Variants in TPD52 observed in about 807,000 individuals in gnomAD.
The protein encoded by TPD52 is tumor protein D52.
Under a neutral mutation model 31.3 loss-of-function variants are expected in TPD52, and 17 were observed. That is an observed-to-expected ratio of 0.54 (90% confidence interval 0.37 to 0.82). TPD52 has a LOEUF of 0.82. Ranked by LOEUF, TPD52 falls within the 40% of genes least tolerant of loss-of-function variation. The probability of loss-of-function intolerance (pLI) is 0.00; values close to 1 mark genes in which losing one functional copy is unlikely to be tolerated. For missense variants in TPD52, 212 were observed against 240.1 expected, an observed-to-expected ratio of 0.88 and a Z score of 0.77; for synonymous variants, 83 against 89.6, an observed-to-expected ratio of 0.93 and a Z score of 0.42.
chr8:80,098,032 C>T (rs1380140869), intron 1 of TPD52, among the ~76,000 whole-genome samples: 2 of 152,310 alleles, frequency 1.3e-5, no homozygotes, highest in South Asian at 4.1e-4. Flanking sequence ...AATAACAACG[C>T]CTGGATGACA....
At chr8:80,128,909 G>T (rs1224102030) in intron 1 of TPD52, among the ~76,000 whole-genome samples, 2 of 151,122 alleles carry the variant, frequency 1.3e-5, no homozygotes, top group African/African-American at 2.4e-5. Flanking sequence ...AGAAATGCTA[G>T]ATTAGTACCA....
At chr8:80,079,740 C>T (rs1243010041) in intron 1 of TPD52, among the ~76,000 whole-genome samples, 2 of 152,058 alleles carry the variant, frequency 1.3e-5, no homozygotes, top group African/African-American at 2.4e-5. Flanking sequence ...CCTGATGGTG[C>T]TCCTGGCCTT....
chr8:80,082,396 A>C (rs1815385714), intron 1 of TPD52, among the ~76,000 whole-genome samples: 1 of 152,166 alleles, frequency 6.6e-6, no homozygotes. Context: ...GCATTTGGTC[A>C]CTAAATATTG....
intron 1 of TPD52, among the ~76,000 whole-genome samples, chr8:80,120,394 C>G (rs1241202347): frequency 1.3e-5 from 2 of 151,882 alleles, no homozygotes; most frequent in Non-Finnish European, 2.9e-5. Context: ...GAGGGTGAGG[C>G]ACGAGAATCA....
At chr8:80,140,952 T>C (rs1428649231) in intron 1 of TPD52, among the ~76,000 whole-genome samples, 1 of 125,298 alleles carries the variant, frequency 8.0e-6, no homozygotes, top group Non-Finnish European at 1.7e-5. Context: ...ATACAACTCG[T>C]GTGTGTGTGT....
chr8:80,099,880 G>C (rs1205456154), intron 1 of TPD52, among the ~76,000 whole-genome samples: 2 of 152,128 alleles, frequency 1.3e-5, no homozygotes, highest in Admixed American at 6.5e-5. Flanking sequence ...CAAGTTTAAG[G>C]CCTACATTTA....
chr8:80,124,608 T>C (rs891089855), intron 1 of TPD52, among the ~76,000 whole-genome samples: 2 of 152,220 alleles, frequency 1.3e-5, no homozygotes, highest in Non-Finnish European at 2.9e-5. Context: ...CTTAGTAGTG[T>C]GGCTTACAAT....
chr8:80,115,390 T>G (rs148783110), intron 1 of TPD52, among the ~76,000 whole-genome samples: 55 of 152,270 alleles, frequency 3.6e-4, no homozygotes, highest in African/African-American at 1.3e-3. Flanking sequence ...GAAGCCACAA[T>G]GACCTACAGA....
chr8:80,051,455 A>G, intron 4 of TPD52, 72 bp downstream of exon 4: 1 of 1,443,578 alleles, frequency 6.9e-7, no homozygotes, highest in Admixed American at 1.7e-5. Flanking sequence ...CAAGGTCAGG[A>G]AACAGATGCA....
At position 80,044,033 on chromosome 8, in the gene TPD52, C is replaced by T. The variant is rs1372375540; in HGVS notation, c.455+134G>A. ...ACATCAGAGGAAGTGTAGCTGAAAA[C>T]TGATAGAGTGTTAAACACACAGCTT... On this transcript the variant is annotated intron_variant, in intron 6 of 7. Coordinates refer to ENST00000518937, the MANE Select transcript of TPD52 (RefSeq NM_001025253.3). 8.6e-6 allele frequency: 6 copies of T among 693,660 alleles called. No homozygotes were observed. The East Asian group carries it at 1.9e-4, about 22-fold the overall frequency. 43.0% of individuals were successfully genotyped at this position (693,660 alleles called of 1,614,324 possible).
At chr8:80,160,404 A>G (rs1811267011) in intron 1 of TPD52, among the ~76,000 whole-genome samples, 1 of 152,176 alleles carries the variant, frequency 6.6e-6, no homozygotes, top group Non-Finnish European at 1.5e-5. Flanking sequence ...GATAATATGT[A>G]GAAAATTAGT....
intron 2 of TPD52, among the ~76,000 whole-genome samples, chr8:80,063,448 G>A (rs1240674010): frequency 6.6e-6 from 1 of 152,152 alleles, no homozygotes; most frequent in Non-Finnish European, 1.5e-5. Context: ...CTTTGGAGGT[G>A]AAGAAAATGT....
intron 1 of TPD52, among the ~76,000 whole-genome samples, chr8:80,163,216 A>G (rs1811477690): frequency 6.6e-6 from 1 of 152,246 alleles, no homozygotes; most frequent in Admixed American, 6.5e-5. Flanking sequence ...AAGATGTGGA[A>G]GCAACCTTAA....
chr8:80,163,764 GT>G (rs1457089519), intron 1 of TPD52, among the ~76,000 whole-genome samples: 5 of 152,060 alleles, frequency 3.3e-5, no homozygotes. Context: ...TCTTAAAGCA[GT>G]ATCATAGCTA....
chr8:80,036,904 A>G lies in TPD52; in HGVS notation c.*1212T>C, dbSNP rs1182624998. The G allele has an allele frequency of 1.3e-5, 2 of 152,350 alleles. No homozygotes were observed. Among genetic ancestry groups the G allele is most frequent in the African/African-American group, 4.8e-5 (2 of 41,466 alleles). The allele number at this position is 152,350 out of a possible 1,614,324, so 9.4% of individuals were successfully genotyped here. ...GCCATAATCATATACAGTATAAGGA[A>G]AAGGTGGTAGTGTTGAGTAAGCAGT... On this transcript the variant is annotated 3_prime_UTR_variant, in exon 8 of 8. Transcript: ENST00000518937.
chr8:80,113,996 G>C (rs1049250820), intron 1 of TPD52, among the ~76,000 whole-genome samples: 2 of 152,120 alleles, frequency 1.3e-5, no homozygotes, highest in East Asian at 1.9e-4. Context: ...TGTGATCCCA[G>C]CACTTTGGGA....
chr8:80,042,228 T>G, intron 7 of TPD52: 8 of 985,388 alleles, frequency 8.1e-6, no homozygotes, highest in Non-Finnish European at 9.6e-6. Context: ...CATCTATCAC[T>G]GTCTGAGTGG....
chr8:80,041,385 A>C (rs1425254666), intron 7 of TPD52, among the ~76,000 whole-genome samples: 8 of 152,248 alleles, frequency 5.3e-5, no homozygotes, highest in Admixed American at 5.2e-4. Flanking sequence ...CGTGACTCAA[A>C]GTTCTGAAAG....
intron 1 of TPD52, among the ~76,000 whole-genome samples, chr8:80,118,495 C>A (rs1053342822): frequency 1.3e-5 from 2 of 152,156 alleles, no homozygotes; most frequent in Non-Finnish European, 2.9e-5. Context: ...AAAAGACAAC[C>A]CACAGAATGT....
Sources: allele counts gnomAD v4.1 joint callset (sites outside exome capture counted in the v4.1 genomes callset), GRCh38; gene constraint gnomAD v4.1.1; transcripts MANE v1.5; gene names NCBI Gene and HGNC (gene_info 2026-07-23, HGNC 2026-07-21).